Variants in EXOC4 observed in about 807,000 individuals in gnomAD.
The protein encoded by EXOC4 is exocyst complex component 4.
EXOC4 carries 71 observed loss-of-function variants against 107.2 expected under a neutral mutation model. The ratio of observed to expected loss-of-function variants is 0.66; its 90% CI spans 0.55 to 0.81. The LOEUF is 0.81. Among genes scored for constraint, EXOC4 ranks in the 30% least tolerant of loss-of-function variants. The pLI is 0.00. For missense variants in EXOC4, 1,108 were observed against 1,189.6 expected, an observed-to-expected ratio of 0.93 and a Z score of 1.01; for synonymous variants, 456 against 441.2, an observed-to-expected ratio of 1.03 and a Z score of -0.42.
rs1344277218 is a variant in EXOC4, at chr7:133,296,190, TTGA to T, written c.471+7076_471+7078del. On this transcript the variant is annotated intron_variant, in intron 3 of 17. Transcript: ENST00000253861. ...TCTTTAACATGTGATAATGCCATTG[TTGA>T]TAACTTCTGTTGTTTGTATGTGTAT... Among the ~76,000 whole-genome samples, 4 of 152,178 alleles carry T rather than the reference TTGA, an allele frequency of 2.6e-5. No homozygotes were observed. The East Asian group carries it at 7.7e-4, about 29-fold the overall frequency.
Position 133,768,078 on chromosome 7 carries a change from G to A in EXOC4, c.1515-49247G>A, listed in dbSNP as rs73152976. 735 of 152,002 alleles carry A rather than the reference G, an allele frequency of 4.8e-3. 5 individuals carry two copies. The highest frequency in any genetic ancestry group is 0.01 in the Middle Eastern group (3 of 294). The allele number at this position is 152,002 out of a possible 1,614,324, so 9.4% of individuals were successfully genotyped here. On this transcript the variant is annotated intron_variant, in intron 10 of 17. Coordinates refer to ENST00000253861, the MANE Select transcript of EXOC4 (RefSeq NM_021807.4). ...AGTTTGAGCCTTGATTGTCAGGAGCGGAAATGAATCCTCGTGTAAACAAAA... is the reference window on the plus strand; with the variant it reads ...AGTTTGAGCCTTGATTGTCAGGAGCAGAAATGAATCCTCGTGTAAACAAAA...
downstream of EXOC4, among the ~76,000 whole-genome samples, chr7:134,070,779 T>G (rs955052439): frequency 7.1e-5 from 5 of 70,812 alleles, no homozygotes; most frequent in African/African-American, 3.5e-4. Flanking sequence ...TACAAATAAC[T>G]GGAAAAAAAA....
At chr7:133,412,278 GTTTTTTTTTT>G (rs35334259) in intron 7 of EXOC4, among the ~76,000 whole-genome samples, 10 of 71,482 alleles carry the variant, frequency 1.4e-4, no homozygotes, top group East Asian at 1.1e-3. Flanking sequence ...TCAGAATTCA[GTTTTTTTTTT>G]TTTTTTTTTT....
At chr7:133,660,396 G>A (rs960780599) in intron 10 of EXOC4, among the ~76,000 whole-genome samples, 1 of 152,162 alleles carries the variant, frequency 6.6e-6, no homozygotes, top group Non-Finnish European at 1.5e-5. Context: ...TGTGTTTGCT[G>A]CAGGAGTTTT....
chr7:133,552,817 T>C (rs999835067), intron 9 of EXOC4, among the ~76,000 whole-genome samples: 1 of 152,194 alleles, frequency 6.6e-6, no homozygotes, highest in Non-Finnish European at 1.5e-5. Flanking sequence ...TTTTTCACAC[T>C]TAAATGTTTG....
At chr7:133,716,204 A>G (rs1794994903) in intron 10 of EXOC4, among the ~76,000 whole-genome samples, 1 of 152,240 alleles carries the variant, frequency 6.6e-6, no homozygotes, top group African/African-American at 2.4e-5. Context: ...TGTTTATTGA[A>G]TACTTACAAT....
intron 10 of EXOC4, among the ~76,000 whole-genome samples, chr7:133,752,659 A>G (rs1349127929): frequency 7.2e-5 from 11 of 152,226 alleles, no homozygotes; most frequent in Admixed American, 7.2e-4. Flanking sequence ...ACAAAAAACA[A>G]AAAAGAGTGA....
At chr7:133,679,106 G>C (rs144528465) in intron 10 of EXOC4, among the ~76,000 whole-genome samples, 1 of 152,236 alleles carries the variant, frequency 6.6e-6, no homozygotes, top group East Asian at 1.9e-4. Context: ...TTGCCTTGGT[G>C]TGTTTTCCTC....
intron 4 of EXOC4, among the ~76,000 whole-genome samples, chr7:133,309,335 T>C (rs1794819465): frequency 6.6e-6 from 1 of 152,100 alleles, no homozygotes; most frequent in South Asian, 2.1e-4. Flanking sequence ...TAGAACAAAA[T>C]CTATAAAGTT....
At chr7:133,920,441 TTTC>T (rs1799913067) in intron 13 of EXOC4, among the ~76,000 whole-genome samples, 2 of 152,236 alleles carry the variant, frequency 1.3e-5, no homozygotes, top group South Asian at 4.1e-4. Flanking sequence ...GGTTCCATTT[TTTC>T]TTGTCTTTTA....
intron 10 of EXOC4, among the ~76,000 whole-genome samples, chr7:133,703,073 T>G (rs1794699504): frequency 6.6e-6 from 1 of 152,200 alleles, no homozygotes; most frequent in Non-Finnish European, 1.5e-5. Flanking sequence ...ATCTTTTGCA[T>G]ATGTAAGGAG....
chr7:133,416,651 G>A (rs1184275251), intron 7 of EXOC4, among the ~76,000 whole-genome samples: 2 of 152,126 alleles, frequency 1.3e-5, no homozygotes, highest in East Asian at 1.9e-4. Flanking sequence ...ACTCATGATC[G>A]GTCAATCTTA....
At chr7:134,011,006 A>G (rs1195834447) in intron 17 of EXOC4, among the ~76,000 whole-genome samples, 1 of 152,238 alleles carries the variant, frequency 6.6e-6, no homozygotes, top group Non-Finnish European at 1.5e-5. Context: ...CCAGAAGTAC[A>G]GAGAGCCTCT....
At chr7:133,692,412 C>T (rs1172943232) in intron 10 of EXOC4, among the ~76,000 whole-genome samples, 1 of 152,224 alleles carries the variant, frequency 6.6e-6, no homozygotes, top group Non-Finnish European at 1.5e-5. Flanking sequence ...TCTCCCCTAA[C>T]TGAGCTCAGA....
intron 17 of EXOC4, among the ~76,000 whole-genome samples, chr7:134,027,116 A>G (rs1263454588): frequency 2.0e-5 from 3 of 152,194 alleles, no homozygotes; most frequent in Non-Finnish European, 2.9e-5. Context: ...TTAAAAATAT[A>G]TAGTATATTC....
chr7:133,446,353 T>TA (rs764481691), intron 7 of EXOC4, among the ~76,000 whole-genome samples: 87 of 152,220 alleles, frequency 5.7e-4, no homozygotes, highest in Non-Finnish European at 2.5e-4. Context: ...TTTTTCGCCC[T>TA]ACTCTGTGCT....
intron 14 of EXOC4, among the ~76,000 whole-genome samples, chr7:133,941,570 C>T (rs1800428569): frequency 6.6e-6 from 1 of 152,148 alleles, no homozygotes; most frequent in Non-Finnish European, 1.5e-5. Flanking sequence ...TAGCTCCTGA[C>T]CACACCAAAG....
At chr7:133,495,465 T>C (rs1418487940) in intron 9 of EXOC4, among the ~76,000 whole-genome samples, 1 of 152,228 alleles carries the variant, frequency 6.6e-6, no homozygotes, top group Admixed American at 6.5e-5. Flanking sequence ...CTTGCACATA[T>C]GTATTCCCAT....
At chr7:133,448,779 T>C (rs1162409921) in intron 7 of EXOC4, among the ~76,000 whole-genome samples, 1 of 152,128 alleles carries the variant, frequency 6.6e-6, no homozygotes, top group East Asian at 1.9e-4. Flanking sequence ...TTAAATTGGG[T>C]CCCAATCTAA....
Sources: allele counts gnomAD v4.1 joint callset (sites outside exome capture counted in the v4.1 genomes callset), GRCh38; gene constraint gnomAD v4.1.1; transcripts MANE v1.5; gene names NCBI Gene and HGNC (gene_info 2026-07-23, HGNC 2026-07-21).